Variants in CD47 observed in about 807,000 individuals in gnomAD.
The protein encoded by CD47 is CD47 molecule.
In CD47, 11 loss-of-function variants were observed where a neutral mutation model predicts 44.6. The observed-to-expected ratio is 0.25, with a 90% CI of 0.16 to 0.41. CD47 has a LOEUF of 0.41. Ranked by LOEUF, CD47 falls within the 10% of genes least tolerant of loss-of-function variation. CD47 has a pLI of 1.00. For synonymous variants in CD47, 140 were observed against 136.3 expected (o/e 1.03, Z -0.19); for missense variants, 306 against 386.7 (o/e 0.79, Z 1.75).
intron 2 of CD47, among the ~76,000 whole-genome samples, chr3:108,071,776 C>T (rs1245322117): frequency 6.6e-6 from 1 of 152,164 alleles, no homozygotes; most frequent in South Asian, 2.1e-4. Flanking sequence ...ATGAAGTCTT[C>T]CTGTAAAGAC....
intron 1 of CD47, among the ~76,000 whole-genome samples, 165 bp from the exon 2 acceptor site, chr3:108,080,509 A>G (rs1030410193): frequency 9.2e-5 from 14 of 151,932 alleles, no homozygotes; most frequent in African/African-American, 3.4e-4. Context: ...CAAACAAATT[A>G]TATTTTAATA....
In CD47 at chr3:108,080,211, A is replaced by C; in HGVS notation, c.180T>G (p.Phe60Leu). ...NTTEVYVKWK[F>L]KGRDIYTFDG... ...CAAAGGTGTAAATATCTCTTCCTTTAAATTTCCACTTTACGTATACTTCAG... is the reference window on the plus strand; with the variant it reads ...CAAAGGTGTAAATATCTCTTCCTTTCAATTTCCACTTTACGTATACTTCAG... The change falls in exon 2 of 11, where the codon TTT (phenylalanine) becomes TTG (leucine). Residue 60 changes from phenylalanine to leucine, a missense_variant. Around this residue, in one of 5 missense-constraint regions of CD47, gnomAD observed 25 missense variants for 52.7 expected, o/e 0.47. Coordinates refer to ENST00000361309, the MANE Select transcript of CD47 (RefSeq NM_001777.4). 1 of 1,612,912 alleles carries C rather than the reference A, an allele frequency of 6.2e-7. No individual in the cohort carries two copies. The highest frequency in any genetic ancestry group is 8.5e-7 in the Non-Finnish European group (1 of 1,179,068).
At chr3:108,050,127 T>C (rs1040124213) in intron 9 of CD47, among the ~76,000 whole-genome samples, 13 of 152,168 alleles carry the variant, frequency 8.5e-5, no homozygotes, top group African/African-American at 3.1e-4. Context: ...AATTCTTTTT[T>C]ATTTTTTTTG....
intron 3 of CD47, among the ~76,000 whole-genome samples, chr3:108,069,730 G>T (rs143936304): frequency 1.3e-5 from 2 of 152,004 alleles, no homozygotes; most frequent in Non-Finnish European, 2.9e-5. Context: ...TCAAAAAATC[G>T]CACTATGTGA....
At chr3:108,072,299 A>G (rs938928194) in intron 2 of CD47, among the ~76,000 whole-genome samples, 1 of 152,178 alleles carries the variant, frequency 6.6e-6, no homozygotes, top group African/African-American at 2.4e-5. Context: ...TCTACCACGC[A>G]CTATCTCTCA....
At chr3:108,060,011 T>A (rs962407156) in intron 4 of CD47, among the ~76,000 whole-genome samples, 3 of 152,208 alleles carry the variant, frequency 2.0e-5, no homozygotes, top group Non-Finnish European at 4.4e-5. Context: ...GCTATAGTTA[T>A]TAGGTTGAGT....
intron 4 of CD47, 94 bp downstream of exon 4, chr3:108,060,651 G>A: frequency 1.3e-6 from 1 of 798,904 alleles, no homozygotes; most frequent in South Asian, 1.5e-5. Context: ...GTGGTCATCT[G>A]TTCCAACAGC....
At chr3:108,088,686 C>T (rs1016957285) in intron 1 of CD47, among the ~76,000 whole-genome samples, 1 of 151,052 alleles carries the variant, frequency 6.6e-6, no homozygotes, top group African/African-American at 2.4e-5. Flanking sequence ...AGACAGTTCA[C>T]AACACCATCA....
rs2079076998 is a variant in CD47, at chr3:108,064,866, A to C, written c.491-4014T>G. Among the ~76,000 whole-genome samples, 2 of 152,222 alleles carry C rather than the reference A, an allele frequency of 1.3e-5. 1 individual carries two copies. Among genetic ancestry groups the C allele is most frequent in the South Asian group, 4.1e-4 (2 of 4,826 alleles). ...ATATATTTGGTGTCTGTTGAGCTGT[A>C]AATGAATATTGTTTTCAGTGCAGAA... is the stretch of plus-strand genomic sequence containing the variant. On this transcript the variant is annotated intron_variant, in intron 3 of 10. Coordinates refer to ENST00000361309, the MANE Select transcript of CD47 (RefSeq NM_001777.4).
intron 8 of CD47, 124 bp from the exon 9 acceptor site, chr3:108,050,726 A>G (rs1351632876): frequency 4.0e-6 from 2 of 502,522 alleles, no homozygotes; most frequent in Non-Finnish European, 7.2e-6. Context: ...GTCAAAAAAA[A>G]AAGAAAAAAC....
intron 10 of CD47, among the ~76,000 whole-genome samples, chr3:108,048,609 C>T (rs1293142766): frequency 6.6e-6 from 1 of 152,014 alleles, no homozygotes; most frequent in South Asian, 2.1e-4. Flanking sequence ...TGGTCTCGAT[C>T]TCCTGACCTT....
intron 2 of CD47, among the ~76,000 whole-genome samples, chr3:108,077,960 A>C (rs1052573630): frequency 6.6e-6 from 1 of 152,092 alleles, no homozygotes; most frequent in Non-Finnish European, 1.5e-5. Flanking sequence ...GTTATGATGG[A>C]TAGGTCTATG....
At chr3:108,053,258 C>T (rs1044384973) in intron 7 of CD47, 1 of 152,264 alleles carries the variant, frequency 6.6e-6, no homozygotes, top group Non-Finnish European at 1.5e-5. Context: ...GGGTCCTGAC[C>T]CAAGGAAAGC....
At chr3:108,050,354 G>A (rs2078805112) in intron 9 of CD47, among the ~76,000 whole-genome samples, 1 of 152,136 alleles carries the variant, frequency 6.6e-6, no homozygotes, top group Admixed American at 6.5e-5. Context: ...TTGACCTCGT[G>A]ATCTGCCCGC....
At chr3:108,049,528 TAA>T (rs1180115335) in intron 10 of CD47, 89 bp downstream of exon 10, 1 of 798,822 alleles carries the variant, frequency 1.3e-6, no homozygotes, top group African/African-American at 1.7e-5. Flanking sequence ...TCCCTTTTAC[TAA>T]AAAAGAGCCA....
intron 1 of CD47, among the ~76,000 whole-genome samples, chr3:108,087,338 CAATCCCCCTAATGAATTT>C (rs2079540968): frequency 6.6e-6 from 1 of 152,076 alleles, no homozygotes; most frequent in African/African-American, 2.4e-5. Flanking sequence ...TGACCCAACG[CAATCCCCCTAATGAATTT>C]AAAAGTGGCC....
chr3:108,061,794 T>A (rs1406597293), intron 3 of CD47, among the ~76,000 whole-genome samples: 2 of 152,222 alleles, frequency 1.3e-5, no homozygotes, highest in East Asian at 3.8e-4. Flanking sequence ...AATGCTGCTG[T>A]GTGTCATCCA....
intron 3 of CD47, among the ~76,000 whole-genome samples, chr3:108,066,981 C>T (rs779118796): frequency 2.6e-5 from 4 of 152,132 alleles, no homozygotes; most frequent in Admixed American, 6.5e-5. Flanking sequence ...AAGGATAAAA[C>T]GGTAGAAACC....
intron 1 of CD47, among the ~76,000 whole-genome samples, chr3:108,082,314 C>T (rs766805682): frequency 5.9e-5 from 9 of 151,912 alleles, no homozygotes; most frequent in Non-Finnish European, 1.2e-4. Context: ...AAATGGATTG[C>T]TGTCCATACA....
Sources: allele counts gnomAD v4.1 joint callset (sites outside exome capture counted in the v4.1 genomes callset), GRCh38; gene constraint gnomAD v4.1.1; regional missense constraint gnomAD v4.1.1; transcripts MANE v1.5; gene names NCBI Gene and HGNC (gene_info 2026-07-23, HGNC 2026-07-21).